Variants in MAPK6 observed in about 807,000 individuals in gnomAD.
MAPK6 encodes ERK-3.
Under a neutral mutation model 59.3 loss-of-function variants are expected in MAPK6, and 19 were observed. The ratio of observed to expected loss-of-function variants is 0.32; its 90% confidence interval spans 0.22 to 0.47. The LOEUF (loss-of-function observed/expected upper bound fraction) is 0.47, where lower values mean the gene tolerates loss of function less well. Among genes scored for constraint, MAPK6 ranks in the 20% least tolerant of loss-of-function variants. The pLI is 1.00. For synonymous variants in MAPK6, 316 were observed against 290.3 expected (o/e 1.09, Z -0.90); for missense variants, 724 against 847.9 (o/e 0.85, Z 1.81).
intron 2 of MAPK6, among the ~76,000 whole-genome samples, chr15:51,996,520 C>T (rs566867361): frequency 4.6e-5 from 7 of 151,946 alleles, no homozygotes; most frequent in African/African-American, 9.7e-5. Flanking sequence ...CTCAGCCTCC[C>T]GAATAGCTGG....
chr15:52,055,565 G>T (rs1019043793), intron 3 of MAPK6, among the ~76,000 whole-genome samples: 22 of 152,190 alleles, frequency 1.4e-4, no homozygotes, highest in Admixed American at 5.2e-4. Context: ...GCCTAGGCTG[G>T]AGTGCAGTTG....
At chr15:52,003,401 G>C (rs1482636989) in intron 2 of MAPK6, among the ~76,000 whole-genome samples, 1 of 152,130 alleles carries the variant, frequency 6.6e-6, no homozygotes, top group Non-Finnish European at 1.5e-5. Flanking sequence ...TTCTACTTCT[G>C]CCTTGATCAG....
In MAPK6 at chr15:52,063,879, G is replaced by A. The variant is rs200318726; in HGVS notation, c.1068-23G>A. 2.8e-5 allele frequency: 42 copies of A among 1,525,206 alleles called. No homozygotes were observed. In the South Asian group the frequency reaches 4.3e-4, roughly 15 times the overall value. 94.5% of individuals were successfully genotyped at this position (1,525,206 alleles called of 1,614,324 possible). ...AATGAAATCATATACGTAGAATAACGCTAGTGTATTGATTTTTTTCAGGTA... is the reference window on the plus strand; with the variant it reads ...AATGAAATCATATACGTAGAATAACACTAGTGTATTGATTTTTTTCAGGTA... On this transcript the variant is annotated intron_variant, in intron 5 of 5. Transcript: ENST00000261845.
intron 1 of MAPK6, among the ~76,000 whole-genome samples, chr15:52,023,977 T>G (rs553559948): frequency 1.3e-3 from 193 of 152,362 alleles, no homozygotes; most frequent in African/African-American, 4.5e-3. Context: ...TAAAAAATTG[T>G]TCAGAGATTG....
chr15:52,064,215 G>T lies in MAPK6; in HGVS notation c.1381G>T (p.Glu461Ter). 2 of 1,611,478 alleles carry T rather than the reference G, an allele frequency of 1.2e-6. No homozygotes were observed. The highest frequency in any genetic ancestry group is 1.7e-6 in the Non-Finnish European group (2 of 1,179,394). The change falls in exon 6 of 6, where the codon GAG becomes TAG. Residue 461 changes from glutamate (E) to a stop codon, truncating the protein, a stop_gained. Coordinates refer to ENST00000261845, the MANE Select transcript of MAPK6 (RefSeq NM_002748.4). LOFTEE classifies it high-confidence loss of function. ...SSYLDNLVWR[E>*]SEVNHYYEPK... Reference sequence around the variant, plus strand: ...ATATTTAGATAACTTAGTTTGGAGAGAGAGTGAAGTTAACCATTACTATGA... The same window carrying T: ...ATATTTAGATAACTTAGTTTGGAGATAGAGTGAAGTTAACCATTACTATGA...
chr15:52,041,822 C>T (rs114474160), intron 1 of MAPK6, among the ~76,000 whole-genome samples: 2,136 of 152,258 alleles, frequency 0.014, 62 homozygotes, highest in African/African-American at 0.049. Context: ...TAGGTCAGAC[C>T]CCCAGTGTGC....
Position 52,026,688 on chromosome 15 carries a change from T to C in MAPK6, c.-632+7312T>C, listed in dbSNP as rs2030791177. Reference sequence around the variant, plus strand: ...TTACTGTGTGTGTAAAGAGCATCAGTGCTCTTGTTTGTAAAATGACATTTA... The same window carrying C: ...TTACTGTGTGTGTAAAGAGCATCAGCGCTCTTGTTTGTAAAATGACATTTA... On this transcript the variant is annotated intron_variant, in intron 1 of 5. Coordinates refer to ENST00000261845, the MANE Select transcript of MAPK6 (RefSeq NM_002748.4). Among the ~76,000 whole-genome samples the C allele has an allele frequency of 5.3e-5, 8 of 152,320 alleles. No individual in the cohort carries two copies. The South Asian group carries it at 1.7e-3, about 32-fold the overall frequency.
At chr15:52,058,544 CATTAT>C in intron 3 of MAPK6, 84 bp from the exon 4 acceptor site, 1 of 1,114,456 alleles carries the variant, frequency 9.0e-7, no homozygotes, top group Non-Finnish European at 1.2e-6. Flanking sequence ...CCCCACTGGT[CATTAT>C]AATATTTAAA....
At position 52,064,216 on chromosome 15, in the gene MAPK6, A is replaced by T; in HGVS notation, c.1382A>T (p.Glu461Val). The T allele has an allele frequency of 1.2e-6, 2 of 1,611,522 alleles. No homozygotes were observed. Among genetic ancestry groups the T allele is most frequent in the Non-Finnish European group, 1.7e-6 (2 of 1,179,402 alleles). Residue 461 changes from glutamate (E) to valine (V), a missense_variant, in exon 6 of 6, where the codon GAG (glutamate) becomes GTG (valine). Physicochemically the swap from Glu to Val is moderately radical, Grantham distance 121 (BLOSUM62 -2). Coordinates refer to ENST00000261845, the MANE Select transcript of MAPK6 (RefSeq NM_002748.4). ...TATTTAGATAACTTAGTTTGGAGAGAGAGTGAAGTTAACCATTACTATGAA... is the reference window on the plus strand; with the variant it reads ...TATTTAGATAACTTAGTTTGGAGAGTGAGTGAAGTTAACCATTACTATGAA... ...SSYLDNLVWR[E>V]SEVNHYYEPK...
At chr15:52,012,974 G>A (rs1190194480) in intron 3 of MAPK6, among the ~76,000 whole-genome samples, 6 of 122,242 alleles carry the variant, frequency 4.9e-5, no homozygotes, top group African/African-American at 1.3e-4. Context: ...GCGACAGAGT[G>A]AGACTCCGCC....
intron 2 of MAPK6, among the ~76,000 whole-genome samples, chr15:51,988,508 T>C (rs938568684): frequency 6.6e-6 from 1 of 151,638 alleles, no homozygotes; most frequent in Non-Finnish European, 1.5e-5. Context: ...CCACGGCGGG[T>C]GGGTCACAAG....
chr15:51,994,082 T>C (rs1196032775), intron 2 of MAPK6, among the ~76,000 whole-genome samples: 1 of 152,180 alleles, frequency 6.6e-6, no homozygotes, highest in Non-Finnish European at 1.5e-5. Context: ...TGCCTCAGCC[T>C]CCCGAATAGC....
intron 3 of MAPK6, among the ~76,000 whole-genome samples, chr15:52,051,219 G>A (rs1351009793): frequency 2.0e-5 from 3 of 151,984 alleles, no homozygotes; most frequent in Non-Finnish European, 2.9e-5. Context: ...CCCGTCGCCC[G>A]GCTAATTTTT....
chr15:51,971,975 C>T (rs1249281814), intron 1 of MAPK6, among the ~76,000 whole-genome samples: 1 of 144,534 alleles, frequency 6.9e-6, no homozygotes, highest in Admixed American at 7.0e-5. Flanking sequence ...TACCAGGGGG[C>T]GGGGGGGTCC....
intron 2 of MAPK6, among the ~76,000 whole-genome samples, chr15:52,001,824 T>C (rs1311878365): frequency 6.6e-6 from 1 of 152,070 alleles, no homozygotes; most frequent in Non-Finnish European, 1.5e-5. Context: ...TAGCCCTTAA[T>C]AGGGAAGAAT....
intron 1 of MAPK6, among the ~76,000 whole-genome samples, chr15:51,975,214 G>T (rs1466867594): frequency 2.0e-5 from 3 of 151,748 alleles, no homozygotes; most frequent in African/African-American, 4.8e-5. Context: ...TACAATTAAT[G>T]TATCATCACA....
intron 3 of MAPK6, among the ~76,000 whole-genome samples, chr15:52,052,298 C>T (rs1033344348): frequency 6.6e-5 from 10 of 152,164 alleles, no homozygotes; most frequent in Admixed American, 5.9e-4. Context: ...GTGGGCTTCT[C>T]CATAGGACTG....
Position 52,064,373 on chromosome 15 carries a change from A to C in MAPK6, c.1539A>C (p.Gln513His), listed in dbSNP as rs1485788043. The C allele has an allele frequency of 1.2e-6, 2 of 1,611,948 alleles. No homozygotes were observed. Among genetic ancestry groups the C allele is most frequent in the Admixed American group, 3.3e-5 (2 of 60,010 alleles). The change falls in exon 6 of 6, where the codon CAA becomes CAC. Residue 513 changes from glutamine (Q) to histidine (H), a missense_variant. Physicochemically the swap from Gln to His is conservative, Grantham distance 24. Around this residue, in one of 4 missense-constraint regions of MAPK6, gnomAD observed 502 missense variants for 507.6 expected, o/e 0.99. Coordinates refer to ENST00000261845, the MANE Select transcript of MAPK6 (RefSeq NM_002748.4). ...AQIALEEASQ[Q>H]LAGKEREKNQ... is the part of the protein sequence containing the mutation. ...TAGCGCTAGAGGAAGCATCACAGCA[A>C]CTGGCTGGAAAAGAAAGGGAAAAGA...
At chr15:52,005,527 CA>C (rs543032358) in intron 3 of MAPK6, among the ~76,000 whole-genome samples, 146 of 130,022 alleles carry the variant, frequency 1.1e-3, no homozygotes, top group Non-Finnish European at 1.0e-3. Context: ...CATTCCATCT[CA>C]AAAAAAAAAA....
Sources: gnomAD v4.1 joint callset for allele counts (sites outside exome capture counted in the v4.1 genomes callset) on GRCh38, gnomAD v4.1.1 for gene constraint, gnomAD v4.1.1 regional missense constraint, MANE v1.5 for transcripts, NCBI Gene and HGNC (gene_info 2026-07-23, HGNC 2026-07-21) for gene names.